The following AIG1 variants were observed in gnomAD, a reference collection of about 807,000 sequenced individuals.
The protein encoded by AIG1 is androgen-induced gene 1 protein.
AIG1 carries 23 observed loss-of-function variants against 31.4 expected under a neutral mutation model. The observed-to-expected ratio is 0.73, with a 90% CI of 0.53 to 1.04. The LOEUF is 1.04. Ranked by LOEUF, AIG1 falls within the 50% of genes least tolerant of loss-of-function variation. The probability of loss-of-function intolerance (pLI) is 0.00; values close to 1 mark genes in which losing one functional copy is unlikely to be tolerated. For missense variants in AIG1, 274 were observed against 295.0 expected (o/e 0.93, Z 0.52); for synonymous variants, 100 against 110.5 (o/e 0.90, Z 0.60).
chr6:143,306,541 T>C (rs1305544278), intron 4 of AIG1, among the ~76,000 whole-genome samples: 1 of 152,252 alleles, frequency 6.6e-6, no homozygotes, highest in Non-Finnish European at 1.5e-5. Flanking sequence ...CACTCTCTTC[T>C]GGCTTGTAGA....
At position 143,338,875 on chromosome 6, in the gene AIG1, A is replaced by C. The variant is rs2128727463; in HGVS notation, c.680-764A>C. 6.6e-6 allele frequency: 1 copy of C among 152,320 alleles called. No homozygotes were observed. The highest frequency in any genetic ancestry group is 1.9e-4 in the East Asian group (1 of 5,186). The allele number at this position is 152,320 out of a possible 1,614,324, so 9.4% of individuals were successfully genotyped here. Reference sequence around the variant, plus strand: ...CTGAGAATTTGGTATGATTCAAAAAATGTTTAGGTACAAGAAAAAGAAAAA... The same window carrying C: ...CTGAGAATTTGGTATGATTCAAAAACTGTTTAGGTACAAGAAAAAGAAAAA... On this transcript the variant is annotated intron_variant, in intron 5 of 5. Coordinates refer to ENST00000357847, the MANE Select transcript of AIG1 (RefSeq NM_016108.4). This position sits in a 1 kb window ranked among gnomAD's most constrained non-coding sequence, Gnocchi z 4.3.
At chr6:143,195,052 A>C (rs1432425013) in intron 3 of AIG1, among the ~76,000 whole-genome samples, 1 of 152,220 alleles carries the variant, frequency 6.6e-6, no homozygotes, top group Non-Finnish European at 1.5e-5. Context: ...TGTTCTGGAT[A>C]CTGACTGTGT....
chr6:143,198,745 G>A (rs960849694), intron 3 of AIG1, among the ~76,000 whole-genome samples: 1 of 152,104 alleles, frequency 6.6e-6, no homozygotes, highest in Non-Finnish European at 1.5e-5. Context: ...AGAGGGAAGG[G>A]CACATTTCTT....
intron 1 of AIG1, among the ~76,000 whole-genome samples, chr6:143,101,311 A>G (rs760133829): frequency 4.6e-5 from 7 of 152,162 alleles, no homozygotes; most frequent in Non-Finnish European, 7.4e-5. Context: ...AGTAGCCTGC[A>G]AGGATGATCC....
At chr6:143,190,838 T>C in intron 3 of AIG1, among the ~76,000 whole-genome samples, 1 of 152,216 alleles carries the variant, frequency 6.6e-6, no homozygotes, top group East Asian at 1.9e-4. Flanking sequence ...TAAAAGTCAA[T>C]CCCATTTCTA....
intron 1 of AIG1, among the ~76,000 whole-genome samples, chr6:143,112,853 A>G (rs1229287641): frequency 6.6e-6 from 1 of 152,222 alleles, no homozygotes; most frequent in East Asian, 1.9e-4. Flanking sequence ...ATTAACAAAT[A>G]GGACCCAAAC....
rs1473770577 is a variant in AIG1 at position 143,191,767 on chromosome 6, C to T, written c.399+26584C>T. Among the ~76,000 whole-genome samples, 3 of 152,134 alleles carry T rather than the reference C, an allele frequency of 2.0e-5. No individual in the cohort carries two copies. In the East Asian group the frequency reaches 5.8e-4, roughly 29 times the overall value. On this transcript the variant is annotated intron_variant, in intron 3 of 5. Coordinates refer to ENST00000357847, the MANE Select transcript of AIG1 (RefSeq NM_016108.4). ...ACACAAAACATTTTACTTTAGATTA[C>T]ATTTAAAAAATTTTAATGACATTTA...
At chr6:143,060,725 C>A (rs1470711642), upstream of AIG1, 2 of 379,548 alleles carry the variant, frequency 5.3e-6, no homozygotes, top group Non-Finnish European at 1.1e-5. Context: ...CAAACCGCGC[C>A]CGGCCAGTAC....
chr6:143,182,204 TA>T (rs1380065483), intron 3 of AIG1, among the ~76,000 whole-genome samples: 2 of 152,136 alleles, frequency 1.3e-5, no homozygotes, highest in Non-Finnish European at 2.9e-5. Flanking sequence ...TTTTAATGTT[TA>T]AAATTTTTTG....
At chr6:143,230,783 C>T (rs186514378) in intron 3 of AIG1, among the ~76,000 whole-genome samples, 9 of 152,172 alleles carry the variant, frequency 5.9e-5, no homozygotes, top group South Asian at 2.1e-4. Context: ...GGAAAGCTCA[C>T]GAAGACAGTA....
At chr6:143,181,565 G>A (rs1291140791) in intron 3 of AIG1, among the ~76,000 whole-genome samples, 2 of 152,162 alleles carry the variant, frequency 1.3e-5, no homozygotes, top group African/African-American at 4.8e-5. Context: ...TGTTTATTCA[G>A]ATCAGTAATA....
intron 2 of AIG1, among the ~76,000 whole-genome samples, chr6:143,157,124 A>G (rs1407969404): frequency 6.6e-6 from 1 of 152,232 alleles, no homozygotes; most frequent in Non-Finnish European, 1.5e-5. Context: ...AAAAATGATT[A>G]TCTCAATGTG....
intron 1 of AIG1, among the ~76,000 whole-genome samples, chr6:143,068,602 T>A (rs906531788): frequency 6.6e-6 from 1 of 152,224 alleles, no homozygotes; most frequent in Admixed American, 6.5e-5. Context: ...ATTTTAAAAA[T>A]TAATTTCAAA....
intron 4 of AIG1, among the ~76,000 whole-genome samples, chr6:143,313,067 A>G (rs544680828): frequency 2.6e-5 from 4 of 152,238 alleles, no homozygotes; most frequent in African/African-American, 7.2e-5. Flanking sequence ...AATGTCGGGG[A>G]GGATGTGGAG....
intron 3 of AIG1, among the ~76,000 whole-genome samples, chr6:143,174,157 C>G (rs1454548439): frequency 1.3e-5 from 2 of 152,132 alleles, no homozygotes; most frequent in African/African-American, 4.8e-5. Flanking sequence ...TTTAAAGCAA[C>G]TGCTGTTGCT....
chr6:143,124,556 C>A (rs1782526269), intron 1 of AIG1, among the ~76,000 whole-genome samples: 1 of 152,238 alleles, frequency 6.6e-6, no homozygotes, highest in African/African-American at 2.4e-5. Context: ...GTGGCTCTTC[C>A]AGCAGGCTGC....
At chr6:143,129,627 T>G (rs1190994313) in intron 1 of AIG1, among the ~76,000 whole-genome samples, 1 of 152,202 alleles carries the variant, frequency 6.6e-6, no homozygotes, top group Non-Finnish European at 1.5e-5. Flanking sequence ...ATTATTTTGT[T>G]TTTTCGCTCT....
chr6:143,261,236 A>G (rs1231269977), intron 3 of AIG1, among the ~76,000 whole-genome samples: 1 of 152,080 alleles, frequency 6.6e-6, no homozygotes, highest in East Asian at 1.9e-4. Context: ...GGTTGAAGCG[A>G]TTCTCCTGTC....
chr6:143,234,238 T>C (rs1793654689), intron 3 of AIG1, among the ~76,000 whole-genome samples: 1 of 152,220 alleles, frequency 6.6e-6, no homozygotes, highest in Non-Finnish European at 1.5e-5. Context: ...GCAATTAGCC[T>C]TTTCAAAGGT....
Sources: allele counts gnomAD v4.1 joint callset (sites outside exome capture counted in the v4.1 genomes callset), GRCh38; gene constraint gnomAD v4.1.1; non-coding constraint Gnocchi (gnomAD v3.1); transcripts MANE v1.5; gene names NCBI Gene and HGNC (gene_info 2026-07-23, HGNC 2026-07-21).